The following KIDINS220 variants were observed in gnomAD, a reference collection of about 807,000 sequenced individuals.
KIDINS220 encodes the protein kinase D-interacting substrate of 220 kDa.
Under a neutral mutation model 157.6 loss-of-function variants are expected in KIDINS220, and 63 were observed. That is an observed-to-expected ratio of 0.40 (90% CI 0.33 to 0.49). KIDINS220 has a LOEUF of 0.49. Among genes scored for constraint, KIDINS220 ranks in the 20% least tolerant of loss-of-function variants. KIDINS220 has a pLI of 0.66. For missense variants in KIDINS220, 1,772 were observed against 2,171.2 expected, an observed-to-expected ratio of 0.82 and a Z score of 3.65; for synonymous variants, 732 against 783.6, an observed-to-expected ratio of 0.93 and a Z score of 1.10.
chr2:8,744,974 G>A (rs773616405), intron 26 of KIDINS220, among the ~76,000 whole-genome samples: 6 of 152,150 alleles, frequency 3.9e-5, no homozygotes, highest in Non-Finnish European at 5.9e-5. Flanking sequence ...AATATATGCA[G>A]AGCACCTTTG....
At chr2:8,801,766 C>T (rs567174924) in intron 8 of KIDINS220, among the ~76,000 whole-genome samples, 1 of 152,150 alleles carries the variant, frequency 6.6e-6, no homozygotes, top group South Asian at 2.1e-4. Context: ...ATTAGCCAGG[C>T]GTGGTGGCAT....
intron 18 of KIDINS220, among the ~76,000 whole-genome samples, 167 bp downstream of exon 18, chr2:8,779,507 C>T (rs1331954856): frequency 1.3e-5 from 2 of 152,178 alleles, no homozygotes; most frequent in Non-Finnish European, 2.9e-5. Context: ...TTTATTCTTG[C>T]TACATTTCTG....
intron 12 of KIDINS220, among the ~76,000 whole-genome samples, chr2:8,792,700 C>T (rs1457513114): frequency 3.9e-5 from 6 of 152,168 alleles, no homozygotes; most frequent in African/African-American, 7.2e-5. Context: ...ATTTTTACAA[C>T]CATTTTGGAA....
At chr2:8,767,837 T>G (rs1435926953) in intron 22 of KIDINS220, among the ~76,000 whole-genome samples, 3 of 152,218 alleles carry the variant, frequency 2.0e-5, no homozygotes, top group African/African-American at 7.2e-5. Flanking sequence ...ACAGGTCTAT[T>G]AAAGTCATAA....
chr2:8,767,512 A>G (rs73912901), intron 22 of KIDINS220, among the ~76,000 whole-genome samples: 6,157 of 152,224 alleles, frequency 0.04, 252 homozygotes, highest in African/African-American at 0.11. Context: ...TAAACTAACT[A>G]ATGTTAAATT....
chr2:8,803,706 T>C (rs963981045), intron 7 of KIDINS220, among the ~76,000 whole-genome samples: 1 of 152,098 alleles, frequency 6.6e-6, no homozygotes. Flanking sequence ...AAATTGCACA[T>C]CTATTTTATA....
intron 25 of KIDINS220, 112 bp downstream of exon 25, chr2:8,747,775 T>C (rs1666787657): frequency 3.8e-6 from 2 of 523,612 alleles, no homozygotes; most frequent in East Asian, 3.4e-5. Flanking sequence ...TTCTTAAAAC[T>C]ATGTATAAAA....
At chr2:8,836,837 T>C (rs575167553) in intron 1 of KIDINS220, among the ~76,000 whole-genome samples, 15 of 152,356 alleles carry the variant, frequency 9.8e-5, no homozygotes, top group Admixed American at 6.5e-4. Flanking sequence ...CAGAGATGGC[T>C]GCATAGTTAT....
At chr2:8,800,588 T>C in intron 8 of KIDINS220, 90 bp from the exon 9 acceptor site, 1 of 962,190 alleles carries the variant, frequency 1.0e-6, no homozygotes. Flanking sequence ...GTTTTCATAT[T>C]TTTTTCTAAA....
chr2:8,738,879 G>T (rs1665239717), intron 26 of KIDINS220, among the ~76,000 whole-genome samples: 1 of 152,176 alleles, frequency 6.6e-6, no homozygotes, highest in African/African-American at 2.4e-5. Flanking sequence ...AGTTATGAAA[G>T]ATGTTTACAT....
At chr2:8,788,271 C>CTT (rs35484190) in intron 15 of KIDINS220, among the ~76,000 whole-genome samples, 1 of 146,246 alleles carries the variant, frequency 6.8e-6, no homozygotes, top group Non-Finnish European at 1.5e-5. Context: ...ATTCTATAAA[C>CTT]TTTTTTTTTT....
At position 8,733,873 on chromosome 2, in the gene KIDINS220, A is replaced by T. The variant is rs572654831; in HGVS notation, c.3817-193T>A. Among the ~76,000 whole-genome samples, 37 of 152,368 alleles carry T rather than the reference A, an allele frequency of 2.4e-4. 1 individual carries two copies. The highest frequency in any genetic ancestry group is 8.4e-4 in the African/African-American group (35 of 41,584). ...CATGTTCATTAATACTAAAGGAAGC[A>T]ATGGTAGAAACCACCATACATATAC... On this transcript the variant is annotated intron_variant, in intron 28 of 29. Transcript: ENST00000256707.
intron 22 of KIDINS220, among the ~76,000 whole-genome samples, chr2:8,752,317 TA>T (rs1018619866): frequency 3.3e-5 from 5 of 151,162 alleles, no homozygotes; most frequent in Non-Finnish European, 5.9e-5. Context: ...TCATCCAGTC[TA>T]AAAATTTTTT....
downstream of KIDINS220, among the ~76,000 whole-genome samples, chr2:8,725,871 G>A (rs778889886): frequency 1.6e-4 from 25 of 152,082 alleles, no homozygotes; most frequent in Non-Finnish European, 2.8e-4. Context: ...TCAAATCTCA[G>A]AAAAACGAAG....
chr2:8,818,414 C>T (rs999364550), intron 3 of KIDINS220, among the ~76,000 whole-genome samples: 15 of 151,954 alleles, frequency 9.9e-5, no homozygotes, highest in African/African-American at 3.4e-4. Context: ...TAACATGACT[C>T]GTATGTGGAT....
downstream of KIDINS220, chr2:8,724,989 A>G (rs530151172): frequency 6.6e-6 from 1 of 152,238 alleles, no homozygotes; most frequent in East Asian, 1.9e-4. This position sits in a 1 kb window ranked among gnomAD's most constrained non-coding sequence, Gnocchi z 4.6. Context: ...GGTCTAAAAG[A>G]TATCTCGAGG....
rs866128591 is a variant in KIDINS220, at chr2:8,730,362, G to A, written c.*358C>T. The A allele has an allele frequency of 4.8e-5, 49 of 1,026,932 alleles. No homozygotes were observed. The Middle Eastern group carries it at 1.4e-3, about 30-fold the overall frequency. The allele number at this position is 1,026,932 out of a possible 1,614,324, so 63.6% of individuals were successfully genotyped here. On this transcript the variant is annotated 3_prime_UTR_variant, in exon 30 of 30. Coordinates refer to ENST00000256707, the MANE Select transcript of KIDINS220 (RefSeq NM_020738.4). ...GTGGTCACCAAATGTTTGCAAAAAGGGTCTCTAGCTTTTTTTCTTTTTGGC... is the reference window on the plus strand; with the variant it reads ...GTGGTCACCAAATGTTTGCAAAAAGAGTCTCTAGCTTTTTTTCTTTTTGGC...
downstream of KIDINS220, chr2:8,723,127 C>G (rs943133292): frequency 6.6e-6 from 1 of 152,242 alleles, no homozygotes; most frequent in Non-Finnish European, 1.5e-5. Context: ...GTGTGCTCAC[C>G]GAAACGCTCC....
intron 2 of KIDINS220, among the ~76,000 whole-genome samples, chr2:8,819,132 T>G (rs980702614): frequency 1.3e-5 from 2 of 152,192 alleles, no homozygotes; most frequent in Admixed American, 1.3e-4. Flanking sequence ...GGTAGCCAAA[T>G]TCTCTAACAA....
Sources: gnomAD v4.1 joint callset for allele counts (sites outside exome capture counted in the v4.1 genomes callset) on GRCh38, gnomAD v4.1.1 for gene constraint, Gnocchi (gnomAD v3.1) non-coding constraint, MANE v1.5 for transcripts, NCBI Gene and HGNC (gene_info 2026-07-23, HGNC 2026-07-21) for gene names.